Variants in CTNNA1 observed in about 807,000 individuals in gnomAD.
CTNNA1 encodes catenin alpha 1, also known as catenin alpha-1.
A neutral mutation model predicts 98.4 loss-of-function variants in CTNNA1; 37 were observed. That is an observed-to-expected ratio of 0.38 (90% CI 0.29 to 0.49). CTNNA1 has a LOEUF of 0.49. CTNNA1 is among the 20% of genes least tolerant of loss of function. The pLI is 0.95. For synonymous variants in CTNNA1, 404 were observed against 413.2 expected, an observed-to-expected ratio of 0.98 and a Z score of 0.27; for missense variants, 761 against 1,147.2, an observed-to-expected ratio of 0.66 and a Z score of 4.86.
Position 138,766,166 on chromosome 5 carries a change from TG to T in CTNNA1, c.-3+12657del, listed in dbSNP as rs1444442762. On this transcript the variant is annotated intron_variant, in intron 1 of 17. Coordinates refer to ENST00000302763, the MANE Select transcript of CTNNA1 (RefSeq NM_001903.5). ...TACACACACACAGATAATAGTGCTA[TG>T]TGACAAGTGCTGGGGGAACATGGTA... 3.3e-5 allele frequency among the ~76,000 whole-genome samples: 5 copies of T among 152,120 alleles called. No homozygotes were observed. The East Asian group carries it at 9.6e-4, about 29-fold the overall frequency.
intron 7 of CTNNA1, among the ~76,000 whole-genome samples, chr5:138,879,781 T>C (rs904384315): frequency 1.3e-5 from 2 of 152,230 alleles, no homozygotes; most frequent in African/African-American, 4.8e-5. Context: ...AAAGTCCTTT[T>C]GTTATCTTGT....
rs866952451 is a variant in CTNNA1 at position 138,768,832 on chromosome 5, C to T, written c.-2-13091C>T. Among the ~76,000 whole-genome samples the T allele has an allele frequency of 6.6e-4, 100 of 151,920 alleles. 1 individual carries two copies. The highest frequency in any genetic ancestry group is 2.3e-3 in the African/African-American group (94 of 41,354). On this transcript the variant is annotated intron_variant, in intron 1 of 17. Coordinates refer to ENST00000302763, the MANE Select transcript of CTNNA1 (RefSeq NM_001903.5). ...AAACACTTGGTTAAGTAGCATCTTC[C>T]AGATTTCTGTGTTACAAAGACAGAA...
At chr5:138,833,874 G>A (rs995177) in intron 7 of CTNNA1, among the ~76,000 whole-genome samples, 112,789 of 152,124 alleles carry the variant, frequency 0.74, 42,071 homozygotes, top group East Asian at 0.99. Context: ...GCCTGAAAAC[G>A]TTGGACATAG....
chr5:138,777,932 G>A (rs1416911062), intron 1 of CTNNA1, among the ~76,000 whole-genome samples: 1 of 70,614 alleles, frequency 1.4e-5, no homozygotes, highest in African/African-American at 5.4e-5. Context: ...GAGGGAGAGG[G>A]GGAGGAGGGA....
intron 10 of CTNNA1, among the ~76,000 whole-genome samples, chr5:138,907,857 G>T (rs1759619673): frequency 6.6e-6 from 1 of 152,174 alleles, no homozygotes; most frequent in African/African-American, 2.4e-5. Flanking sequence ...GCTGTACATA[G>T]GCAGCACTAC....
chr5:138,915,795 A>G (rs1761605499), intron 10 of CTNNA1, among the ~76,000 whole-genome samples: 1 of 152,156 alleles, frequency 6.6e-6, no homozygotes, highest in African/African-American at 2.4e-5. Context: ...TTAGGCCAGG[A>G]GCAGTGGCTC....
At chr5:138,915,963 C>T (rs923337252) in intron 10 of CTNNA1, among the ~76,000 whole-genome samples, 5 of 152,054 alleles carry the variant, frequency 3.3e-5, no homozygotes, top group African/African-American at 7.2e-5. Context: ...ACACAAGAAT[C>T]GCTTGAGCCT....
chr5:138,873,745 C>T lies in CTNNA1; in HGVS notation c.1063-12467C>T. On this transcript the variant is annotated intron_variant, in intron 7 of 17. Coordinates refer to ENST00000302763, the MANE Select transcript of CTNNA1 (RefSeq NM_001903.5). The surrounding 1 kb of genome is among the most constrained non-coding windows in gnomAD (Gnocchi z 6.1). ...TTTTAAGATTGGGCATCGTTTCAAA[C>T]ACTGTCAAGTCGATGGCTTTGATTT... The T allele has an allele frequency of 5.0e-6, 8 of 1,614,016 alleles. No homozygotes were observed. The highest frequency in any genetic ancestry group is 6.8e-6 in the Non-Finnish European group (8 of 1,179,892).
At chr5:138,881,256 G>A (rs1054839606) in intron 7 of CTNNA1, 1 of 380,076 alleles carries the variant, frequency 2.6e-6, no homozygotes. Flanking sequence ...AAAGAATTTG[G>A]GAATACAGGA....
chr5:138,918,043 A>G, intron 11 of CTNNA1, 145 bp downstream of exon 11: 2 of 945,464 alleles, frequency 2.1e-6, no homozygotes, highest in Non-Finnish European at 3.2e-6. Context: ...TTAATGTTAA[A>G]AAAGCTATCA....
chr5:138,931,057 GTTC>G (rs1765195033), intron 16 of CTNNA1, 122 bp downstream of exon 16: 2 of 668,722 alleles, frequency 3.0e-6, no homozygotes, highest in African/African-American at 1.8e-5. Flanking sequence ...TCTAAAAATG[GTTC>G]TTATTAATCC....
chr5:138,896,221 C>T (rs970918161), intron 9 of CTNNA1, among the ~76,000 whole-genome samples: 3 of 152,078 alleles, frequency 2.0e-5, no homozygotes, highest in Non-Finnish European at 4.4e-5. Flanking sequence ...GTGCAGGCTG[C>T]CTATTGGATC....
intron 13 of CTNNA1, among the ~76,000 whole-genome samples, chr5:138,926,007 T>A (rs1044173270): frequency 1.3e-5 from 2 of 152,216 alleles, no homozygotes; most frequent in African/African-American, 4.8e-5. Flanking sequence ...CAACTATTCC[T>A]GTCTTCATTC....
Position 138,812,279 on chromosome 5 carries a change from A to G in CTNNA1, c.565A>G (p.Ile189Val), listed in dbSNP as rs1758901728. Reference sequence around the variant, plus strand: ...AAAACCTGAAGTGGATAAGCTGAACATTATGGCAGCCAAAAGACAACAGGT... The same window carrying G: ...AAAACCTGAAGTGGATAAGCTGAACGTTATGGCAGCCAAAAGACAACAGGT... ...ALKPEVDKLN[I>V]MAAKRQQELK... The change falls in exon 5 of 18, where the codon ATT (isoleucine) becomes GTT (valine). Residue 189 changes from isoleucine to valine, a missense_variant. This residue lies in a region of CTNNA1 where 328 missense variants were observed against 354.3 expected (regional missense o/e 0.93). Transcript: ENST00000302763. The G allele has an allele frequency of 1.9e-6, 3 of 1,613,706 alleles. No individual in the cohort carries two copies. The highest frequency in any genetic ancestry group is 1.7e-6 in the Non-Finnish European group (2 of 1,179,880).
In CTNNA1 at chr5:138,857,496, A is replaced by T. The variant is rs564287199; in HGVS notation, c.1063-28716A>T. ...ATTCGTTAAAAAAAAAAATTTTTTT[A>T]AATAGAGATGGGGTCTTGCTATGCT... On this transcript the variant is annotated intron_variant, in intron 7 of 17. Transcript: ENST00000302763. Among the ~76,000 whole-genome samples the T allele has an allele frequency of 3.4e-4, 51 of 151,430 alleles. No homozygotes were observed. The South Asian group carries it at 6.3e-3, about 19-fold the overall frequency.
At chr5:138,920,446 A>C (rs995999058) in intron 11 of CTNNA1, among the ~76,000 whole-genome samples, 2 of 152,194 alleles carry the variant, frequency 1.3e-5, no homozygotes, top group African/African-American at 2.4e-5. Flanking sequence ...CCCTGGCCCT[A>C]AAGCATAGCG....
At chr5:138,799,593 C>T (rs1280753587) in intron 3 of CTNNA1, among the ~76,000 whole-genome samples, 1 of 150,490 alleles carries the variant, frequency 6.6e-6, no homozygotes, top group Non-Finnish European at 1.5e-5. Context: ...TGAAATGAAA[C>T]TTATTAAACA....
At chr5:138,785,769 GTAGTA>G (rs1341180261) in intron 3 of CTNNA1, among the ~76,000 whole-genome samples, 1 of 151,774 alleles carries the variant, frequency 6.6e-6, no homozygotes, top group Non-Finnish European at 1.5e-5. Flanking sequence ...GTAGTGTAGT[GTAGTA>G]TAGTATAGTA....
chr5:138,849,605 G>A (rs936279838), intron 7 of CTNNA1, among the ~76,000 whole-genome samples: 12 of 152,118 alleles, frequency 7.9e-5, no homozygotes, highest in Non-Finnish European at 1.6e-4. Context: ...AGGCACGTGC[G>A]CTGGCTGGTA....
Sources: allele counts gnomAD v4.1 joint callset (sites outside exome capture counted in the v4.1 genomes callset), GRCh38; gene constraint gnomAD v4.1.1; regional missense constraint gnomAD v4.1.1; non-coding constraint Gnocchi (gnomAD v3.1); transcripts MANE v1.5; gene names NCBI Gene and HGNC (gene_info 2026-07-23, HGNC 2026-07-21).